ANKRD31: variants seen among roughly 807,000 people sequenced by gnomAD.
The protein encoded by ANKRD31 is ankyrin repeat domain 31, also known as ankyrin repeat domain-containing protein 31.
Under a neutral mutation model 186.0 loss-of-function variants are expected in ANKRD31, and 147 were observed. That is an observed-to-expected ratio of 0.79 (90% CI 0.69 to 0.91). The LOEUF (loss-of-function observed/expected upper bound fraction) is 0.91. Ranked by LOEUF, ANKRD31 falls within the 40% of genes least tolerant of loss-of-function variation. The pLI is 0.00. For synonymous variants in ANKRD31, 673 were observed against 736.4 expected, an observed-to-expected ratio of 0.91 and a Z score of 1.39; for missense variants, 1,986 against 2,148.8, an observed-to-expected ratio of 0.92 and a Z score of 1.50.
Position 75,196,080 on chromosome 5 carries a change from CT to C in ANKRD31, c.567del (p.Ala190HisfsTer14). On this transcript the variant is annotated frameshift_variant, in exon 7 of 26. Transcript: ENST00000506364. LOFTEE classifies it high-confidence loss of function. The stretch of plus-strand genomic sequence containing the variant: ...CTAGGCTCAAAAAATGTATTTGGTG[CT>C]GCTAAAATCTTCTCTGGCTCTACTA... ...TSLVEPEKIL[A>X]APNTFFEPRK... The C allele has an allele frequency of 6.5e-7, 1 of 1,536,852 alleles. No homozygotes were observed. The highest frequency in any genetic ancestry group is 1.2e-5 in the South Asian group (1 of 84,018).
At chr5:75,102,104 G>C (rs892382575) in intron 22 of ANKRD31, among the ~76,000 whole-genome samples, 1 of 152,184 alleles carries the variant, frequency 6.6e-6, no homozygotes, top group Non-Finnish European at 1.5e-5. Flanking sequence ...ATACAGATGG[G>C]GGTTTGGTGT....
chr5:75,231,409 C>T (rs902623424), intron 1 of ANKRD31, among the ~76,000 whole-genome samples: 1 of 152,072 alleles, frequency 6.6e-6, no homozygotes, highest in African/African-American at 2.4e-5. Context: ...TTACTTCTTA[C>T]TATGTTCAAG....
At chr5:75,161,295 G>A (rs551708259) in intron 11 of ANKRD31, among the ~76,000 whole-genome samples, 89 of 152,276 alleles carry the variant, frequency 5.8e-4, no homozygotes, top group African/African-American at 2.1e-3. Flanking sequence ...CTGGAGCAAA[G>A]GTGACTCTTG....
chr5:75,130,189 T>C (rs193149337), intron 17 of ANKRD31, among the ~76,000 whole-genome samples: 7 of 152,310 alleles, frequency 4.6e-5, no homozygotes, highest in Non-Finnish European at 1.0e-4. Context: ...GTGGCACGTC[T>C]GGAGTTGTTT....
chr5:75,200,755 A>C (rs1453824526), intron 5 of ANKRD31, among the ~76,000 whole-genome samples: 4 of 151,676 alleles, frequency 2.6e-5, no homozygotes. Context: ...TCTACTAAAA[A>C]TACAAAAATT....
chr5:75,107,005 G>T (rs926994511), intron 21 of ANKRD31, among the ~76,000 whole-genome samples: 2 of 151,322 alleles, frequency 1.3e-5, no homozygotes, highest in African/African-American at 4.9e-5. Flanking sequence ...AAAAAATAAT[G>T]CCCAAACAAG....
At chr5:75,132,162 T>C (rs1026709087) in intron 17 of ANKRD31, among the ~76,000 whole-genome samples, 1 of 152,242 alleles carries the variant, frequency 6.6e-6, no homozygotes. Flanking sequence ...GGACAGAGAA[T>C]GACTTTGACG....
At chr5:75,147,724 C>T (rs1043179066) in intron 13 of ANKRD31, among the ~76,000 whole-genome samples, 2 of 151,866 alleles carry the variant, frequency 1.3e-5, no homozygotes, top group African/African-American at 4.8e-5. Flanking sequence ...AGTATGTATA[C>T]TAATCTTTAC....
intron 11 of ANKRD31, among the ~76,000 whole-genome samples, chr5:75,156,309 G>A (rs962543316): frequency 3.9e-5 from 6 of 152,108 alleles, no homozygotes; most frequent in South Asian, 2.1e-4. Context: ...TAATCACTTT[G>A]TACTCTGAGA....
rs1747870482 is a variant in ANKRD31, at chr5:75,112,519, C to G, written c.4237G>C (p.Asp1413His). 1 of 1,497,058 alleles carries G rather than the reference C, an allele frequency of 6.7e-7. No homozygotes were observed. Among genetic ancestry groups the G allele is most frequent in the Non-Finnish European group, 9.0e-7 (1 of 1,114,470 alleles). The allele number at this position is 1,497,058 out of a possible 1,614,324, so 92.7% of individuals were successfully genotyped here. ...AGTATGAGTCTATATTTACCTGCAT[C>G]TTCAGGGTTTCTTATTTCAAACTCT... Reference protein sequence around the residue: ...LLEFEIRNPEDAEQYIEKMLK... With the variant: ...LLEFEIRNPEHAEQYIEKMLK... The change falls in exon 20 of 26, where the codon GAT becomes CAT. Residue 1413 changes from aspartate to histidine, a missense_variant. Physicochemically the swap from Asp to His is moderately conservative, Grantham distance 81 (BLOSUM62 -1). Coordinates refer to ENST00000506364, the MANE Select transcript of ANKRD31 (RefSeq NM_001372053.1).
At chr5:75,078,119 A>G (rs1177593202) in intron 25 of ANKRD31, among the ~76,000 whole-genome samples, 1 of 152,136 alleles carries the variant, frequency 6.6e-6, no homozygotes, top group East Asian at 1.9e-4. Context: ...TCATGATACC[A>G]GAGTGAAAAA....
intron 22 of ANKRD31, among the ~76,000 whole-genome samples, chr5:75,095,804 T>C (rs1166919309): frequency 6.6e-6 from 1 of 152,130 alleles, no homozygotes; most frequent in East Asian, 1.9e-4. Flanking sequence ...TTATCATGGG[T>C]ATGTATATAT....
At chr5:75,086,732 G>T (rs1015493053) in intron 23 of ANKRD31, among the ~76,000 whole-genome samples, 2 of 152,224 alleles carry the variant, frequency 1.3e-5, no homozygotes, top group African/African-American at 2.4e-5. Context: ...AGGTAGAACT[G>T]GAGGGGTGTT....
At chr5:75,179,269 GACCAGATGGATTCACAGC>G (rs1397424399) in intron 10 of ANKRD31, among the ~76,000 whole-genome samples, 1 of 152,054 alleles carries the variant, frequency 6.6e-6, no homozygotes, top group Non-Finnish European at 1.5e-5. Flanking sequence ...AAAAGTCCAG[GACCAGATGGATTCACAGC>G]TGAATTCTAC....
chr5:75,146,208 A>G lies in ANKRD31; in HGVS notation c.3203T>C (p.Ile1068Thr), dbSNP rs761997880. 2.0e-6 allele frequency: 3 copies of G among 1,536,190 alleles called. No homozygotes were observed. Among genetic ancestry groups the G allele is most frequent in the Non-Finnish European group, 2.6e-6 (3 of 1,146,344 alleles). Residue 1068 changes from isoleucine to threonine, a missense_variant, in exon 14 of 26, where the codon ATT becomes ACT. By Grantham distance (89) the Ile-to-Thr change is moderately conservative. Coordinates refer to ENST00000506364, the MANE Select transcript of ANKRD31 (RefSeq NM_001372053.1). ...AKNCDTERNY[I>T]DRDQKIIYSN... ...ATAAATTATTTTTTGGTCTCTGTCA[A>G]TGTAATTCCTCTCAGTGTCACAATT... is the stretch of plus-strand genomic sequence containing the variant.
intron 2 of ANKRD31, among the ~76,000 whole-genome samples, chr5:75,228,419 A>G (rs1305993966): frequency 6.6e-6 from 1 of 152,242 alleles, no homozygotes; most frequent in Non-Finnish European, 1.5e-5. Context: ...GTCATTTAGT[A>G]GAAATAAATG....
In ANKRD31 at chr5:75,193,387, T is replaced by C. The variant is rs1755246567; in HGVS notation, c.1222A>G (p.Met408Val). The C allele has an allele frequency of 6.5e-7, 1 of 1,537,000 alleles. No individual in the cohort carries two copies. Among genetic ancestry groups the C allele is most frequent in the East Asian group, 2.4e-5 (1 of 40,912 alleles). Residue 408 changes from methionine (M) to valine (V), a missense_variant, in exon 8 of 26, where the codon ATG becomes GTG. Coordinates refer to ENST00000506364, the MANE Select transcript of ANKRD31 (RefSeq NM_001372053.1). Reference sequence around the variant, plus strand: ...ATTTTTGGTAAAATCTTTTCTGGCATCTTATACATGTGATCTGAGTACTTT... The same window carrying C: ...ATTTTTGGTAAAATCTTTTCTGGCACCTTATACATGTGATCTGAGTACTTT... ...DAKYSDHMYK[M>V]PEKILPKILG...
chr5:75,205,244 T>G (rs142217756), intron 5 of ANKRD31, among the ~76,000 whole-genome samples: 1 of 152,346 alleles, frequency 6.6e-6, no homozygotes, highest in African/African-American at 2.4e-5. Context: ...ATTTTTTGAG[T>G]ATCATTATGA....
chr5:75,176,046 T>C (rs536493842), intron 10 of ANKRD31, among the ~76,000 whole-genome samples: 1 of 152,244 alleles, frequency 6.6e-6, no homozygotes, highest in South Asian at 2.1e-4. Context: ...AATACTGCGC[T>C]TTTCCAACAG....
Sources: allele counts gnomAD v4.1 joint callset (sites outside exome capture counted in the v4.1 genomes callset), GRCh38; gene constraint gnomAD v4.1.1; transcripts MANE v1.5; gene names NCBI Gene and HGNC (gene_info 2026-07-23, HGNC 2026-07-21).